The following HSPG2 variants were observed in gnomAD, a reference collection of about 807,000 sequenced individuals.
HSPG2 encodes the protein heparan sulfate proteoglycan 2.
Under a neutral mutation model 526.6 loss-of-function variants are expected in HSPG2, and 278 were observed. The observed-to-expected ratio is 0.53, with a 90% CI of 0.48 to 0.58. HSPG2 has a LOEUF of 0.58. Among genes scored for constraint, HSPG2 ranks in the 20% least tolerant of loss-of-function variants. The pLI is 0.00. For synonymous variants in HSPG2, 2,465 were observed against 2,555.4 expected (o/e 0.96, Z 1.07); for missense variants, 5,354 against 6,099.5 (o/e 0.88, Z 4.07).
chr1:21,925,056 A>G (rs557103738), intron 1 of HSPG2, among the ~76,000 whole-genome samples: 2 of 152,192 alleles, frequency 1.3e-5, no homozygotes, highest in East Asian at 3.9e-4. Context: ...CATGCCTCCA[A>G]TTTCTTCCAG....
chr1:21,824,521 G>A lies in HSPG2; in HGVS notation c.12744+16C>T, dbSNP rs765553276. On this transcript the variant is annotated intron_variant, in intron 93 of 96. Transcript: ENST00000374695. The surrounding 1 kb of genome is among the most constrained non-coding windows in gnomAD (Gnocchi z 5.9). ...CCCCAGGAGCCCCAAGAGCCCAGCCGGATACCCACACTCACCACACCCTGC... is the reference window on the plus strand; with the variant it reads ...CCCCAGGAGCCCCAAGAGCCCAGCCAGATACCCACACTCACCACACCCTGC... 46 of 1,612,478 alleles carry A rather than the reference G, an allele frequency of 2.9e-5. No individual in the cohort carries two copies. Among genetic ancestry groups the A allele is most frequent in the South Asian group, 5.5e-5 (5 of 91,050 alleles).
In HSPG2 at chr1:21,839,222, AGGGTGT is replaced by A. The variant is rs2098038930; in HGVS notation, c.9889+143_9890-138del. ...ATAAGGAAAGCAAAGGTCCCAGGCC[AGGGTGT>A]GGGTGTCGGGCAGGGCAGGCTCCAG... On this transcript the variant is annotated intron_variant, in intron 73 of 96. Transcript: ENST00000374695. The surrounding 1 kb of genome is among the most constrained non-coding windows in gnomAD (Gnocchi z 4.5). 1.4e-6 allele frequency: 2 copies of A among 1,432,618 alleles called. No individual in the cohort carries two copies. Among genetic ancestry groups the A allele is most frequent in the Admixed American group, 3.7e-5 (2 of 54,572 alleles). The allele number at this position is 1,432,618 out of a possible 1,614,324, so 88.7% of individuals were successfully genotyped here.
At chr1:21,888,733 G>A in intron 6 of HSPG2, 1 of 1,362,818 alleles carries the variant, frequency 7.3e-7, no homozygotes, top group Non-Finnish European at 9.8e-7. Context: ...AAAGGAAGAT[G>A]TGATCAGTGG....
chr1:21,832,349 C>T (rs1320937993), intron 81 of HSPG2, 146 bp downstream of exon 81: 2 of 682,616 alleles, frequency 2.9e-6, no homozygotes, highest in Non-Finnish European at 5.3e-6. Context: ...TATTCCTACT[C>T]TAGCAGATTG....
intron 39 of HSPG2, 71 bp downstream of exon 39, chr1:21,861,686 C>T: frequency 7.2e-7 from 1 of 1,384,436 alleles, no homozygotes; most frequent in African/African-American, 1.4e-5. Context: ...TGAGCAACAC[C>T]CTTTAAGGCT....
intron 1 of HSPG2, 144 bp from the exon 2 acceptor site, chr1:21,896,454 C>T: frequency 1.1e-5 from 11 of 1,002,762 alleles, no homozygotes; most frequent in Non-Finnish European, 1.7e-5. Context: ...CTCAGTGAGC[C>T]AGGCTGGGGC....
intron 66 of HSPG2, 92 bp from the exon 67 acceptor site, chr1:21,843,013 T>C: frequency 6.8e-7 from 1 of 1,460,960 alleles, no homozygotes; most frequent in South Asian, 1.2e-5. Flanking sequence ...CTCCAGTTGA[T>C]CCTGGGGGCG....
intron 1 of HSPG2, among the ~76,000 whole-genome samples, chr1:21,915,301 CT>C (rs962052399): frequency 1.3e-5 from 2 of 152,244 alleles, no homozygotes; most frequent in African/African-American, 4.8e-5. Context: ...GGGAGGCCTC[CT>C]CCCCTTCTCC....
At chr1:21,885,497 C>A (rs764983104) in intron 9 of HSPG2, 46 bp from the exon 10 acceptor site, 21 of 1,610,764 alleles carry the variant, frequency 1.3e-5, no homozygotes, top group Non-Finnish European at 1.7e-5. Flanking sequence ...CCCGTCCATC[C>A]TCCCTGGGCA....
chr1:21,853,051 G>A lies in HSPG2; in HGVS notation c.6459C>T (p.Pro2153=). 1 of 1,613,922 alleles carries A rather than the reference G, an allele frequency of 6.2e-7. No individual in the cohort carries two copies. Among genetic ancestry groups the A allele is most frequent in the African/African-American group, 1.3e-5 (1 of 75,068 alleles). ...GTGAGGAGGAGGGCTCGATGCGGAT[G>A]GGCCGGGTGCTGCCGGGCACTGGAC... is the stretch of plus-strand genomic sequence containing the variant. ...SYTPVPGSTR[P]IRIEPSSSHV... The change falls in exon 51 of 97, where the codon CCC becomes CCT. Residue 2153 remains proline, a synonymous_variant. Transcript: ENST00000374695.
chr1:21,854,324 C>G lies in HSPG2; in HGVS notation c.6308G>C (p.Arg2103Pro). 6.4e-7 allele frequency: 1 copy of G among 1,571,692 alleles called. No homozygotes were observed. The highest frequency in any genetic ancestry group is 1.2e-5 in the South Asian group (1 of 85,580). Residue 2103 changes from arginine (R) to proline (P), a missense_variant, in exon 50 of 97, where the codon CGG becomes CCG. Transcript: ENST00000374695. ...ATCAGCTGGTGAGACCTGGGGGAGC[C>G]GCAGACGGGAGCCGTGCACCTGGGC... ...PHTQVHGSRL[R>P]LPQVSPADSG... is the part of the protein sequence containing the mutation.
chr1:21,908,586 AT>A, intron 1 of HSPG2: 14 of 646,592 alleles, frequency 2.2e-5, no homozygotes, highest in East Asian at 8.3e-5. Context: ...CATAATAGGT[AT>A]TTAAAAAAAA....
chr1:21,928,318 G>A (rs1167989014), intron 1 of HSPG2, among the ~76,000 whole-genome samples: 2 of 152,256 alleles, frequency 1.3e-5, no homozygotes, highest in East Asian at 3.8e-4. Context: ...AGAGAGCATG[G>A]CTGGGCAGGC....
At chr1:21,833,758 C>G in intron 78 of HSPG2, 58 bp downstream of exon 78, 1 of 1,516,402 alleles carries the variant, frequency 6.6e-7, no homozygotes, top group South Asian at 1.2e-5. Flanking sequence ...CACTGAGACG[C>G]TTCAGATCTG....
At chr1:21,863,281 G>A (rs1282913285) in intron 37 of HSPG2, among the ~76,000 whole-genome samples, 2 of 151,000 alleles carry the variant, frequency 1.3e-5, no homozygotes, top group South Asian at 2.1e-4. Context: ...GCTGAGGCAG[G>A]AGAATGGCGT....
At chr1:21,912,458 A>G (rs1192191490) in intron 1 of HSPG2, among the ~76,000 whole-genome samples, 1 of 152,188 alleles carries the variant, frequency 6.6e-6, no homozygotes, top group Non-Finnish European at 1.5e-5. Context: ...AAAGGTTCCA[A>G]TGCATTCCTG....
rs561415088 is a variant in HSPG2, at chr1:21,847,756, A to G, written c.7958T>C (p.Val2653Ala). 2 of 1,613,304 alleles carry G rather than the reference A, an allele frequency of 1.2e-6. No individual in the cohort carries two copies. Among genetic ancestry groups the G allele is most frequent in the East Asian group, 4.5e-5 (2 of 44,854 alleles). The change falls in exon 61 of 97, where the codon GTC (valine) becomes GCC (alanine). Residue 2653 changes from valine (V) to alanine (A), a missense_variant. Transcript: ENST00000374695. The surrounding 1 kb of genome is among the most constrained non-coding windows in gnomAD (Gnocchi z 4.1). ...EGQTLDLNCV[V>A]ARQPQAIITW... is the part of the protein sequence containing the mutation. ...GATGATAGCCTGGGGCTGCCTGGCG[A>G]CCACGCAGTTCAGATCCAAGGTCTG...
At chr1:21,913,871 C>T (rs891196998) in intron 1 of HSPG2, among the ~76,000 whole-genome samples, 3 of 152,180 alleles carry the variant, frequency 2.0e-5, no homozygotes, top group Non-Finnish European at 2.9e-5. Flanking sequence ...CTAACCCAGC[C>T]GGAGGCATGG....
At position 21,857,209 on chromosome 1, in the gene HSPG2, C is replaced by T. The variant is rs747551979; in HGVS notation, c.5395-14G>A. The T allele has an allele frequency of 2.5e-5, 41 of 1,613,892 alleles. No individual in the cohort carries two copies. Among genetic ancestry groups the T allele is most frequent in the African/African-American group, 1.5e-4 (11 of 74,868 alleles). On this transcript the variant is annotated splice_polypyrimidine_tract_variant and intron_variant, in intron 43 of 96. Transcript: ENST00000374695. Reference sequence around the variant, plus strand: ...ATAGGCTGGGGACTGCAGGGCAAGGCGAAAGGGGGTCATGGGTGGGGCTCA... The same window carrying T: ...ATAGGCTGGGGACTGCAGGGCAAGGTGAAAGGGGGTCATGGGTGGGGCTCA...
Sources: allele counts gnomAD v4.1 joint callset (sites outside exome capture counted in the v4.1 genomes callset), GRCh38; gene constraint gnomAD v4.1.1; non-coding constraint Gnocchi (gnomAD v3.1); transcripts MANE v1.5; gene names NCBI Gene and HGNC (gene_info 2026-07-23, HGNC 2026-07-21).